The following ENPP1 variants were observed in gnomAD, a reference collection of about 807,000 sequenced individuals.
The protein encoded by ENPP1 is ectonucleotide pyrophosphatase/phosphodiesterase 1, also known as ectonucleotide pyrophosphatase/phosphodiesterase family member 1.
Under a neutral mutation model 122.8 loss-of-function variants are expected in ENPP1, and 73 were observed. The ratio of observed to expected loss-of-function variants is 0.59; its 90% CI spans 0.49 to 0.72. ENPP1 has a LOEUF of 0.72. ENPP1 is among the 30% of genes least tolerant of loss of function. The pLI is 0.00. For synonymous variants in ENPP1, 367 were observed against 391.6 expected (o/e 0.94, Z 0.74); for missense variants, 978 against 1,128.1 (o/e 0.87, Z 1.91).
chr6:131,860,393 T>C lies in ENPP1; in HGVS notation c.802T>C (p.Tyr268His), dbSNP rs17847050. The change falls in exon 8 of 25, where the codon TAT becomes CAT. Residue 268 changes from tyrosine (Y) to histidine (H), a missense_variant. Tyr to His is a moderately conservative substitution (Grantham distance 83). This residue lies in a region of ENPP1 where 644 missense variants were observed against 781.5 expected (regional missense o/e 0.82). Coordinates refer to ENST00000647893, the MANE Select transcript of ENPP1 (RefSeq NM_006208.3). ...TCTGTTTTATCTTTTTTAGGGATTGTATCCAGAATCTCATGGCATAATCGA... is the reference window on the plus strand; with the variant it reads ...TCTGTTTTATCTTTTTTAGGGATTGCATCCAGAATCTCATGGCATAATCGA... ...PNHYSIVTGL[Y>H]PESHGIIDNK... 3.7e-5 allele frequency: 59 copies of C among 1,595,876 alleles called. No individual in the cohort carries two copies. In the East Asian group the frequency reaches 1.2e-3, roughly 32 times the overall value.
At chr6:131,866,304 T>C (rs922166346) in intron 11 of ENPP1, among the ~76,000 whole-genome samples, 6 of 152,182 alleles carry the variant, frequency 3.9e-5, no homozygotes, top group Admixed American at 3.9e-4. Flanking sequence ...CCCGCCCAGG[T>C]AGCCCAGGTT....
intron 1 of ENPP1, among the ~76,000 whole-genome samples, chr6:131,813,121 G>A (rs1008685703): frequency 4.6e-5 from 7 of 152,104 alleles, no homozygotes; most frequent in Admixed American, 2.0e-4. Flanking sequence ...GATTATAGGC[G>A]TGAGCCACTT....
rs1190189205 is a variant in ENPP1, at chr6:131,892,854, C to G, written c.*2343C>G. 1 of 152,148 alleles carries G rather than the reference C, an allele frequency of 6.6e-6. No homozygotes were observed. Among genetic ancestry groups the G allele is most frequent in the Non-Finnish European group, 1.5e-5 (1 of 68,046 alleles). 9.4% of individuals were successfully genotyped at this position (152,148 alleles called of 1,614,324 possible). A position where few individuals can be genotyped will look rare whatever the true frequency, so the allele number is the denominator to read the frequency against. On this transcript the variant is annotated 3_prime_UTR_variant, in exon 25 of 25. Coordinates refer to ENST00000647893, the MANE Select transcript of ENPP1 (RefSeq NM_006208.3). ...TACAGCCTTTTTTACCCTTGCTTGG[C>G]TACCCTTTTCTGGTCCTTTGGCAGG... is the stretch of plus-strand genomic sequence containing the variant.
chr6:131,827,031 A>G lies in ENPP1; in HGVS notation c.240+18756A>G, dbSNP rs562621171. On this transcript the variant is annotated intron_variant, in intron 1 of 24. Transcript: ENST00000647893. ...TGAATGGTCCACATCTTTGAGGTTG[A>G]CCAGCTGTGAGACGGCAGACGGCAG... 1.2e-4 allele frequency: 66 copies of G among 550,026 alleles called. 1 individual carries two copies. Among genetic ancestry groups the G allele is most frequent in the Middle Eastern group, 3.1e-4 (1 of 3,242 alleles). The allele number at this position is 550,026 out of a possible 1,614,324, so 34.1% of individuals were successfully genotyped here.
intron 1 of ENPP1, among the ~76,000 whole-genome samples, chr6:131,845,219 G>A (rs12215559): frequency 6.6e-6 from 1 of 151,346 alleles, no homozygotes; most frequent in Non-Finnish European, 1.5e-5. Flanking sequence ...TTTTGGTAGA[G>A]ACGGGGTTTC....
intron 19 of ENPP1, 116 bp downstream of exon 19, chr6:131,878,709 A>G (rs1480522069): frequency 2.5e-6 from 2 of 787,206 alleles, no homozygotes; most frequent in African/African-American, 3.4e-5. Context: ...AAATAAAGGG[A>G]GTTCTGGAGG....
In ENPP1 at chr6:131,834,076, G is replaced by A. The variant is rs543339038; in HGVS notation, c.241-13700G>A. On this transcript the variant is annotated intron_variant, in intron 1 of 24. Coordinates refer to ENST00000647893, the MANE Select transcript of ENPP1 (RefSeq NM_006208.3). ...CAAGTCATGGAGTGAAGGTGAACATGAAAGCTCAATGAAACCATTACTTTA... is the reference window on the plus strand; with the variant it reads ...CAAGTCATGGAGTGAAGGTGAACATAAAAGCTCAATGAAACCATTACTTTA... 1.4e-3 allele frequency among the ~76,000 whole-genome samples: 216 copies of A among 152,300 alleles called. 3 individuals carry two copies. Among genetic ancestry groups the A allele is most frequent in the African/African-American group, 5.0e-3 (208 of 41,572 alleles).
intron 24 of ENPP1, among the ~76,000 whole-genome samples, chr6:131,889,464 T>TA (rs374929730): frequency 1.3e-5 from 2 of 152,204 alleles, no homozygotes; most frequent in African/African-American, 4.8e-5. Flanking sequence ...AGCTCCCTCT[T>TA]ATAATTGAGA....
chr6:131,868,990 GTC>G (rs1782124057), intron 12 of ENPP1, among the ~76,000 whole-genome samples: 1 of 152,212 alleles, frequency 6.6e-6, no homozygotes, highest in South Asian at 2.1e-4. Flanking sequence ...AGAAGTACCA[GTC>G]TTGGAATGAG....
intron 1 of ENPP1, among the ~76,000 whole-genome samples, chr6:131,845,151 G>A (rs562221002): frequency 4.7e-5 from 6 of 127,008 alleles, no homozygotes; most frequent in African/African-American, 1.8e-4. Flanking sequence ...CTCTGCCTCA[G>A]CCTCCCAAGT....
intron 1 of ENPP1, among the ~76,000 whole-genome samples, chr6:131,838,642 A>G (rs1241176682): frequency 6.6e-6 from 1 of 151,832 alleles, no homozygotes; most frequent in African/African-American, 2.4e-5. Context: ...GGAAGGAAAG[A>G]AAAATAAGAG....
At chr6:131,811,077 G>C (rs1298341118) in intron 1 of ENPP1, among the ~76,000 whole-genome samples, 4 of 151,154 alleles carry the variant, frequency 2.6e-5, no homozygotes, top group African/African-American at 9.7e-5. Flanking sequence ...GTTTTGAACT[G>C]AAGTGTAGAC....
At chr6:131,859,609 T>G (rs987602256) in intron 7 of ENPP1, among the ~76,000 whole-genome samples, 8 of 19,758 alleles carry the variant, frequency 4.0e-4, no homozygotes, top group Admixed American at 2.0e-3. Context: ...TAGGGGCGGA[T>G]GGGGGGAATG....
chr6:131,810,790 A>G (rs1781340735), intron 1 of ENPP1, among the ~76,000 whole-genome samples: 1 of 152,210 alleles, frequency 6.6e-6, no homozygotes, highest in Non-Finnish European at 1.5e-5. Context: ...ATTACTCTGC[A>G]GTTTTCTCAG....
intron 1 of ENPP1, among the ~76,000 whole-genome samples, chr6:131,841,147 T>A (rs890496817): frequency 2.1e-4 from 32 of 152,222 alleles, no homozygotes; most frequent in Non-Finnish European, 2.4e-4. Context: ...AGATTCTAAC[T>A]TCTGCTTTGA....
At chr6:131,813,388 G>A (rs1391640650) in intron 1 of ENPP1, among the ~76,000 whole-genome samples, 1 of 151,842 alleles carries the variant, frequency 6.6e-6, no homozygotes, top group African/African-American at 2.4e-5. Flanking sequence ...AAATTAGCAG[G>A]GCATGGTAGT....
rs1475567080 is a variant in ENPP1 at position 131,893,292 on chromosome 6, A to AG, written c.*2784dup. ...AACAAGTGACAATTTTCTCTGTCTT[A>AG]GGGAGAAGAGACAGCAGAAGTGTAA... is the stretch of plus-strand genomic sequence containing the variant. On this transcript the variant is annotated 3_prime_UTR_variant, in exon 25 of 25. Coordinates refer to ENST00000647893, the MANE Select transcript of ENPP1 (RefSeq NM_006208.3). 6.6e-6 allele frequency: 1 copy of AG among 152,244 alleles called. No individual in the cohort carries two copies. Among genetic ancestry groups the AG allele is most frequent in the East Asian group, 1.9e-4 (1 of 5,198 alleles). 9.4% of individuals were successfully genotyped at this position (152,244 alleles called of 1,614,324 possible). A position where few individuals can be genotyped will look rare whatever the true frequency, so the allele number is the denominator to read the frequency against.
intron 23 of ENPP1, 61 bp from the exon 24 acceptor site, chr6:131,886,501 A>G (rs1782378863): frequency 1.6e-6 from 2 of 1,256,148 alleles, no homozygotes; most frequent in African/African-American, 3.0e-5. Flanking sequence ...CTCTACTGAA[A>G]TATTCATCAA....
At chr6:131,887,242 T>C (rs1782392180) in intron 24 of ENPP1, among the ~76,000 whole-genome samples, 2 of 152,194 alleles carry the variant, frequency 1.3e-5, no homozygotes, top group African/African-American at 4.8e-5. Flanking sequence ...AAATTTTCTG[T>C]GTATCACTTA....
Sources: gnomAD v4.1 joint callset for allele counts (sites outside exome capture counted in the v4.1 genomes callset) on GRCh38, gnomAD v4.1.1 for gene constraint, gnomAD v4.1.1 regional missense constraint, MANE v1.5 for transcripts, NCBI Gene and HGNC (gene_info 2026-07-23, HGNC 2026-07-21) for gene names.